Variants in SIK3 observed in about 807,000 individuals in gnomAD.
SIK3 encodes SIK family kinase 3, also known as serine/threonine-protein kinase SIK3.
Under a neutral mutation model 144.2 loss-of-function variants are expected in SIK3, and 28 were observed. The observed-to-expected ratio is 0.19, with a 90% confidence interval of 0.14 to 0.27. The LOEUF (loss-of-function observed/expected upper bound fraction) is 0.27. SIK3 is among the 10% of genes least tolerant of loss of function. The pLI is 1.00. For synonymous variants in SIK3, 686 were observed against 676.3 expected, an observed-to-expected ratio of 1.01 and a Z score of -0.22; for missense variants, 1,319 against 1,776.0, an observed-to-expected ratio of 0.74 and a Z score of 4.62.
intron 1 of SIK3, among the ~76,000 whole-genome samples, chr11:116,969,238 C>T (rs1332039257): frequency 7.1e-6 from 1 of 141,306 alleles, no homozygotes; most frequent in East Asian, 2.1e-4. Context: ...TGCAGTGAGC[C>T]GAGATGGCAC....
chr11:116,948,242 T>G (rs578099593), intron 3 of SIK3, among the ~76,000 whole-genome samples: 117 of 152,156 alleles, frequency 7.7e-4, no homozygotes, highest in African/African-American at 2.8e-3. Context: ...CCAGCTGATT[T>G]GTTGATGTAT....
intron 1 of SIK3, among the ~76,000 whole-genome samples, chr11:117,079,405 C>T (rs1954687537): frequency 6.6e-6 from 1 of 152,110 alleles, no homozygotes; most frequent in Non-Finnish European, 1.5e-5. Context: ...GGAGAAAAAC[C>T]TAGACTCATT....
chr11:116,881,901 G>T (rs1185639751), intron 6 of SIK3, among the ~76,000 whole-genome samples: 1 of 152,140 alleles, frequency 6.6e-6, no homozygotes, highest in Admixed American at 6.5e-5. Flanking sequence ...TAGACAAAGA[G>T]AATTTAAAAT....
intron 1 of SIK3, among the ~76,000 whole-genome samples, chr11:117,054,998 A>G (rs991300498): frequency 6.6e-6 from 1 of 152,232 alleles, no homozygotes; most frequent in Non-Finnish European, 1.5e-5. Flanking sequence ...ACTATGCTAA[A>G]TACTTTTACA....
At chr11:116,955,115 C>T (rs190878777) in intron 2 of SIK3, among the ~76,000 whole-genome samples, 8 of 151,464 alleles carry the variant, frequency 5.3e-5, no homozygotes, top group Admixed American at 1.3e-4. Flanking sequence ...AATTCAGTTC[C>T]GGCCAGGCGC....
intron 1 of SIK3, among the ~76,000 whole-genome samples, chr11:117,061,251 GATAAA>G (rs1953779353): frequency 6.6e-6 from 1 of 151,940 alleles, no homozygotes; most frequent in South Asian, 2.1e-4. Flanking sequence ...TCAAAAAATA[GATAAA>G]ATAAAGCCTA....
At chr11:116,976,235 C>T (rs538346836) in intron 1 of SIK3, among the ~76,000 whole-genome samples, 3 of 152,236 alleles carry the variant, frequency 2.0e-5, no homozygotes, top group Admixed American at 1.3e-4. Flanking sequence ...CTATTTTTCC[C>T]TTTGTCCCTT....
rs566256624 is a variant in SIK3, at chr11:117,049,116, T to A, written c.273+49027A>T. Among the ~76,000 whole-genome samples, 135 of 152,084 alleles carry A rather than the reference T, an allele frequency of 8.9e-4. 1 individual carries two copies. Among genetic ancestry groups the A allele is most frequent in the South Asian group, 2.5e-3 (12 of 4,822 alleles). ...TGAGACTCCATCTCAAAAAATTTTT[T>A]AAAAAAATACTTCATGATTTCTCTC... On this transcript the variant is annotated intron_variant, in intron 1 of 24. Transcript: ENST00000445177.
At chr11:117,056,926 A>G (rs544871623) in intron 1 of SIK3, among the ~76,000 whole-genome samples, 4 of 152,262 alleles carry the variant, frequency 2.6e-5, no homozygotes, top group African/African-American at 9.6e-5. Context: ...CATTTTACAT[A>G]GCCATTTAAA....
intron 1 of SIK3, among the ~76,000 whole-genome samples, chr11:116,996,623 C>T (rs1257056771): frequency 2.0e-5 from 3 of 151,784 alleles, no homozygotes; most frequent in Non-Finnish European, 4.4e-5. Flanking sequence ...AATTCAAGAC[C>T]AGCCTGGCCA....
chr11:117,022,079 T>A (rs1337359109), intron 1 of SIK3, among the ~76,000 whole-genome samples: 1 of 152,024 alleles, frequency 6.6e-6, no homozygotes, highest in African/African-American at 2.4e-5. Context: ...AAAATATTAG[T>A]TTTAAGTAAA....
At chr11:116,901,236 G>T (rs951115087) in intron 4 of SIK3, among the ~76,000 whole-genome samples, 1 of 152,132 alleles carries the variant, frequency 6.6e-6, no homozygotes, top group African/African-American at 2.4e-5. Flanking sequence ...AGGAGATACC[G>T]TTTTATTTAT....
At chr11:116,889,522 A>G (rs1944993129) in intron 6 of SIK3, among the ~76,000 whole-genome samples, 1 of 152,248 alleles carries the variant, frequency 6.6e-6, no homozygotes, top group Admixed American at 6.5e-5. Context: ...AGCTATGGTC[A>G]TACCACTAGG....
intron 1 of SIK3, among the ~76,000 whole-genome samples, chr11:117,009,473 T>C (rs556265633): frequency 4.4e-4 from 66 of 150,762 alleles, no homozygotes; most frequent in African/African-American, 1.2e-3. Context: ...TGCAGGAGTA[T>C]CACTTGAGCC....
rs1352149619 is a variant in SIK3, at chr11:116,948,018, T to C, written c.454+6026A>G. On this transcript the variant is annotated intron_variant, in intron 3 of 24. Coordinates refer to ENST00000445177, the MANE Select transcript of SIK3 (RefSeq NM_001366686.3). ...GGTGCAATCATAGCTCACTGCAACC[T>C]CCACCTCCTAGGCTCAGGTGATCCT... 8.6e-5 allele frequency among the ~76,000 whole-genome samples: 13 copies of C among 150,380 alleles called. No homozygotes were observed. The East Asian group carries it at 2.5e-3, about 29-fold the overall frequency.
At chr11:116,989,776 GAAGT>G (rs1950440809) in intron 1 of SIK3, among the ~76,000 whole-genome samples, 1 of 152,156 alleles carries the variant, frequency 6.6e-6, no homozygotes, top group African/African-American at 2.4e-5. Context: ...TTTGACACAT[GAAGT>G]AAGATGTGGT....
rs928734961 is a variant in SIK3, at chr11:117,067,404, A to C, written c.273+30739T>G. On this transcript the variant is annotated intron_variant, in intron 1 of 24. Transcript: ENST00000445177. ...TACAAACAACAATAAATGAATCTTA[A>C]AGAATGCTGATGAAAGAAGAGTACA... Among the ~76,000 whole-genome samples, 7 of 152,290 alleles carry C rather than the reference A, an allele frequency of 4.6e-5. No homozygotes were observed. The East Asian group carries it at 1.4e-3, about 29-fold the overall frequency.
intron 1 of SIK3, among the ~76,000 whole-genome samples, chr11:117,054,672 C>T (rs991445830): frequency 2.6e-5 from 4 of 152,140 alleles, no homozygotes; most frequent in Non-Finnish European, 5.9e-5. Context: ...GTGGTTCACA[C>T]CTGTAATCCC....
intron 1 of SIK3, among the ~76,000 whole-genome samples, chr11:117,014,969 C>A (rs1951456879): frequency 6.6e-6 from 1 of 152,068 alleles, no homozygotes; most frequent in Non-Finnish European, 1.5e-5. Flanking sequence ...GAGGCTGAGG[C>A]AGGAGGATCA....
Sources: allele counts gnomAD v4.1 joint callset (sites outside exome capture counted in the v4.1 genomes callset), GRCh38; gene constraint gnomAD v4.1.1; transcripts MANE v1.5; gene names NCBI Gene and HGNC (gene_info 2026-07-23, HGNC 2026-07-21).